Variants in PCDH15 observed in about 807,000 individuals in gnomAD.
The protein encoded by PCDH15 is protocadherin related 15, also known as protocadherin-15.
Under a neutral mutation model 178.5 loss-of-function variants are expected in PCDH15, and 129 were observed. The ratio of observed to expected loss-of-function variants is 0.72; its 90% confidence interval spans 0.63 to 0.84. The LOEUF (loss-of-function observed/expected upper bound fraction) is 0.84, where lower values mean the gene tolerates loss of function less well. Ranked by LOEUF, PCDH15 falls within the 40% of genes least tolerant of loss-of-function variation. The pLI is 0.00. For synonymous variants in PCDH15, 800 were observed against 732.0 expected, an observed-to-expected ratio of 1.09 and a Z score of -1.50; for missense variants, 2,230 against 2,099.9, an observed-to-expected ratio of 1.06 and a Z score of -1.21.
intron 2 of PCDH15, among the ~76,000 whole-genome samples, chr10:54,567,152 G>A (rs1187975942): frequency 1.3e-5 from 2 of 151,986 alleles, no homozygotes; most frequent in Admixed American, 6.6e-5. Flanking sequence ...TGACTGTTAC[G>A]GTTTTTGGCC....
chr10:55,366,231 A>AT (rs1249944912), intron 2 of PCDH15: 1 of 152,014 alleles, frequency 6.6e-6, no homozygotes, highest in Non-Finnish European at 1.5e-5. Context: ...TAGATATAAG[A>AT]TTTTGTTTAG....
intron 3 of PCDH15, among the ~76,000 whole-genome samples, chr10:54,506,940 T>A (rs1360570255): frequency 2.0e-5 from 3 of 152,052 alleles, no homozygotes; most frequent in Non-Finnish European, 2.9e-5. Context: ...AAACATGATT[T>A]TTTTTTGATC....
intron 20 of PCDH15, among the ~76,000 whole-genome samples, chr10:54,006,981 A>G (rs1325883331): frequency 6.6e-6 from 1 of 152,178 alleles, no homozygotes; most frequent in Non-Finnish European, 1.5e-5. Context: ...CCATGCAGCC[A>G]TTCTATCCAA....
chr10:54,839,942 TA>T (rs1953388253), intron 3 of PCDH15, among the ~76,000 whole-genome samples: 2 of 151,554 alleles, frequency 1.3e-5, no homozygotes, highest in African/African-American at 2.4e-5. Flanking sequence ...AAAAGGAAGA[TA>T]AAAACATCCT....
chr10:55,358,155 T>A (rs934838053), intron 2 of PCDH15, among the ~76,000 whole-genome samples: 1 of 152,084 alleles, frequency 6.6e-6, no homozygotes, highest in Non-Finnish European at 1.5e-5. Context: ...AAGGAATATA[T>A]CTGTAAACTG....
chr10:54,399,203 C>T lies in PCDH15; in HGVS notation c.158-20261G>A, dbSNP rs187056712. 4.9e-3 allele frequency among the ~76,000 whole-genome samples: 742 copies of T among 152,024 alleles called. 8 individuals are homozygous for T. Among genetic ancestry groups the T allele is most frequent in the African/African-American group, 0.017 (689 of 41,490 alleles). On this transcript the variant is annotated intron_variant, in intron 3 of 37. Transcript: ENST00000644397. ...CAGCCAAAACTATGCTACCTACTCT[C>T]AGTGAAGAGAGTTGCAGACAACTTT...
intron 2 of PCDH15, among the ~76,000 whole-genome samples, chr10:55,404,755 T>A (rs2132028600): frequency 6.6e-6 from 1 of 151,910 alleles, no homozygotes; most frequent in Non-Finnish European, 1.5e-5. Context: ...TTTGTGTATT[T>A]TAATACAAGA....
chr10:54,159,476 G>A (rs2045497059), intron 13 of PCDH15, among the ~76,000 whole-genome samples: 1 of 152,066 alleles, frequency 6.6e-6, no homozygotes, highest in South Asian at 2.1e-4. Context: ...GCTTATGCCT[G>A]AAACCAAATT....
intron 1 of PCDH15, among the ~76,000 whole-genome samples, chr10:54,791,147 T>C (rs1460407840): frequency 1.3e-5 from 2 of 151,934 alleles, no homozygotes; most frequent in African/African-American, 2.4e-5. Context: ...GAATCATTAA[T>C]GGTATTTGAA....
At chr10:55,106,709 T>G (rs1842681248) in intron 2 of PCDH15, among the ~76,000 whole-genome samples, 1 of 152,128 alleles carries the variant, frequency 6.6e-6, no homozygotes, top group African/African-American at 2.4e-5. Context: ...TGAGCAAATC[T>G]TCTCAACTAT....
At chr10:54,811,098 A>G (rs1053340369) in intron 3 of PCDH15, among the ~76,000 whole-genome samples, 1 of 151,926 alleles carries the variant, frequency 6.6e-6, no homozygotes, top group African/African-American at 2.4e-5. Flanking sequence ...TAACAAGTAG[A>G]GTTTCAGAAA....
chr10:54,889,194 A>G (rs41412348), intron 3 of PCDH15, among the ~76,000 whole-genome samples: 34,120 of 151,636 alleles, frequency 0.23, 4,519 homozygotes, highest in Non-Finnish European at 0.31. Context: ...AGAATAATGA[A>G]CCTTGATGTG....
intron 2 of PCDH15, among the ~76,000 whole-genome samples, chr10:55,549,863 AG>A (rs1841968655): frequency 6.6e-6 from 1 of 152,086 alleles, no homozygotes; most frequent in Non-Finnish European, 1.5e-5. Flanking sequence ...CAAATAGAGG[AG>A]AAAAGACTAG....
chr10:54,241,760 A>T (rs972896486), intron 8 of PCDH15, among the ~76,000 whole-genome samples: 6 of 152,132 alleles, frequency 3.9e-5, no homozygotes, highest in African/African-American at 1.2e-4. Context: ...ACACATAAGT[A>T]AAGTGAATTA....
chr10:55,536,087 T>C (rs1841572859), intron 2 of PCDH15, among the ~76,000 whole-genome samples: 1 of 152,076 alleles, frequency 6.6e-6, no homozygotes, highest in African/African-American at 2.4e-5. Context: ...TATATCACAT[T>C]GCAATTGATT....
At chr10:53,830,762 T>C (rs902237588) in intron 30 of PCDH15, among the ~76,000 whole-genome samples, 1 of 152,166 alleles carries the variant, frequency 6.6e-6, no homozygotes, top group Non-Finnish European at 1.5e-5. Context: ...TGTCAAATAG[T>C]ACACTAAAAA....
intron 8 of PCDH15, among the ~76,000 whole-genome samples, chr10:54,307,147 T>A (rs1288000531): frequency 2.0e-5 from 2 of 100,384 alleles, no homozygotes; most frequent in African/African-American, 7.2e-5. Context: ...TATATATATA[T>A]ATAAAATTGC....
At chr10:54,576,291 A>G (rs2090476014) in intron 2 of PCDH15, among the ~76,000 whole-genome samples, 1 of 152,170 alleles carries the variant, frequency 6.6e-6, no homozygotes, top group Admixed American at 6.6e-5. Flanking sequence ...TTAGCATTGG[A>G]TATGTAGACT....
intron 2 of PCDH15, among the ~76,000 whole-genome samples, chr10:55,126,085 T>C (rs1837892726): frequency 6.6e-6 from 1 of 152,088 alleles, no homozygotes; most frequent in African/African-American, 2.4e-5. Context: ...ATTTCCCCCA[T>C]ATGGCAAAAC....
Sources: allele counts gnomAD v4.1 joint callset (sites outside exome capture counted in the v4.1 genomes callset), GRCh38; gene constraint gnomAD v4.1.1; transcripts MANE v1.5; gene names NCBI Gene and HGNC (gene_info 2026-07-23, HGNC 2026-07-21).